Variants in MYOZ2 observed in about 807,000 individuals in gnomAD.
MYOZ2 encodes myozenin-2.
Under a neutral mutation model 25.4 loss-of-function variants are expected in MYOZ2, and 19 were observed. That is an observed-to-expected ratio of 0.75 (90% confidence interval 0.52 to 1.10). The LOEUF (loss-of-function observed/expected upper bound fraction) is 1.10, where lower values mean the gene tolerates loss of function less well. Among genes scored for constraint, MYOZ2 ranks in the 50% least tolerant of loss-of-function variants. The pLI is 0.00. For missense variants in MYOZ2, 270 were observed against 317.9 expected, an observed-to-expected ratio of 0.85 and a Z score of 1.15; for synonymous variants, 92 against 106.9, an observed-to-expected ratio of 0.86 and a Z score of 0.86.
intron 5 of MYOZ2, among the ~76,000 whole-genome samples, chr4:119,170,294 T>G (rs1337285437): frequency 6.6e-6 from 1 of 151,922 alleles, no homozygotes; most frequent in African/African-American, 2.4e-5. Context: ...TTTTTTTTTT[T>G]TGTGGCTGGC....
At chr4:119,138,063 GT>G (rs958795840) in intron 2 of MYOZ2, among the ~76,000 whole-genome samples, 4 of 151,898 alleles carry the variant, frequency 2.6e-5, no homozygotes, top group Admixed American at 6.6e-5. Context: ...AGGGTAAGAA[GT>G]TTTTTTTCCT....
rs534093694 is a variant in MYOZ2 at position 119,142,370 on chromosome 4, A to G, written c.76+5769A>G. Among the ~76,000 whole-genome samples, 18 of 152,340 alleles carry G rather than the reference A, an allele frequency of 1.2e-4. No individual in the cohort carries two copies. The South Asian group carries it at 3.7e-3, about 32-fold the overall frequency. On this transcript the variant is annotated intron_variant, in intron 2 of 5. Transcript: ENST00000307128. Reference sequence around the variant, plus strand: ...TTTGAATCCAGAATCAAAAAGTTGAAATATCGCATCCCCATCACATTGTCT... The same window carrying G: ...TTTGAATCCAGAATCAAAAAGTTGAGATATCGCATCCCCATCACATTGTCT...
intron 5 of MYOZ2, among the ~76,000 whole-genome samples, chr4:119,166,185 A>C (rs1160568546): frequency 1.3e-5 from 2 of 152,192 alleles, no homozygotes; most frequent in African/African-American, 2.4e-5. Context: ...TAGACTTCTT[A>C]TTATTAAATA....
Position 119,186,281 on chromosome 4 carries a change from G to C in MYOZ2, c.*81G>C, listed in dbSNP as rs564039408. On this transcript the variant is annotated 3_prime_UTR_variant, in exon 6 of 6. Transcript: ENST00000307128. ...ATTTTAACTACTGGCAAAGCCACTT[G>C]CATTTTTCATTAGTAGCAACAATAG... The C allele has an allele frequency of 7.4e-5, 84 of 1,132,458 alleles. No homozygotes were observed. In the East Asian group the frequency reaches 1.8e-3, roughly 24 times the overall value. The allele number at this position is 1,132,458 out of a possible 1,614,324, so 70.2% of individuals were successfully genotyped here. A position where few individuals can be genotyped will look rare whatever the true frequency, so the allele number is the denominator to read the frequency against.
chr4:119,157,621 T>C (rs1741610036), intron 3 of MYOZ2, among the ~76,000 whole-genome samples: 1 of 152,188 alleles, frequency 6.6e-6, no homozygotes, highest in African/African-American at 2.4e-5. Context: ...AAGATAAGAT[T>C]TACTAGGCCA....
At chr4:119,175,620 C>T (rs762255705) in intron 5 of MYOZ2, among the ~76,000 whole-genome samples, 28 of 151,850 alleles carry the variant, frequency 1.8e-4, no homozygotes, top group Middle Eastern at 3.4e-3. Context: ...GGTGTGGTGG[C>T]GGGCGTCTGT....
chr4:119,139,861 T>G (rs1741123688), intron 2 of MYOZ2, among the ~76,000 whole-genome samples: 1 of 152,146 alleles, frequency 6.6e-6, no homozygotes. Flanking sequence ...GGGCTTTTTT[T>G]GGTACGTTTT....
intron 2 of MYOZ2, among the ~76,000 whole-genome samples, chr4:119,148,744 T>TTTTTTTTTTTTTCTCTTC (rs1741370966): frequency 1.0e-5 from 1 of 96,158 alleles, no homozygotes; most frequent in African/African-American, 3.0e-5. Flanking sequence ...TTTTTTTTTT[T>TTTTTTTTTTTTTCTCTTC]TGCTGCTGCT....
chr4:119,138,991 T>G (rs2149218345), intron 2 of MYOZ2, among the ~76,000 whole-genome samples: 1 of 152,262 alleles, frequency 6.6e-6, no homozygotes, highest in East Asian at 1.9e-4. Flanking sequence ...AAAGAATTAT[T>G]AAAAAATTCT....
intron 5 of MYOZ2, among the ~76,000 whole-genome samples, chr4:119,180,623 A>G (rs551152717): frequency 1.3e-5 from 2 of 152,110 alleles, no homozygotes; most frequent in Non-Finnish European, 2.9e-5. Flanking sequence ...GTGCGATTTC[A>G]GCTCACTGCA....
At chr4:119,145,513 T>A (rs1741269927) in intron 2 of MYOZ2, among the ~76,000 whole-genome samples, 1 of 61,538 alleles carries the variant, frequency 1.6e-5, no homozygotes, top group Non-Finnish European at 3.1e-5. Flanking sequence ...AAACTGTGTG[T>A]GTGTGTGTGT....
At chr4:119,175,249 G>A (rs893290361) in intron 5 of MYOZ2, among the ~76,000 whole-genome samples, 1 of 152,084 alleles carries the variant, frequency 6.6e-6, no homozygotes, top group African/African-American at 2.4e-5. Context: ...ACAAAATAGA[G>A]CTGGATAAAA....
intron 2 of MYOZ2, among the ~76,000 whole-genome samples, chr4:119,147,698 C>T (rs529544738): frequency 1.4e-5 from 2 of 146,720 alleles, no homozygotes; most frequent in South Asian, 4.3e-4. Context: ...GAGCCAAGAT[C>T]GGGTCACTGC....
rs1741622591 is a variant in MYOZ2, at chr4:119,158,059, G to A, written c.284G>A (p.Ser95Asn). The A allele has an allele frequency of 6.2e-7, 1 of 1,614,014 alleles. No homozygotes were observed. Among genetic ancestry groups the A allele is most frequent in the Admixed American group, 1.7e-5 (1 of 60,000 alleles). The change falls in exon 4 of 6, where the codon AGT (serine) becomes AAT (asparagine). Residue 95 changes from serine to asparagine, a missense_variant. Ser to Asn is a conservative substitution (Grantham distance 46, BLOSUM62 1). Transcript: ENST00000307128. ...ATGCAGAATGGGAAAGTGGATGGAAGTAACTTGGAAGGTGGTTCGCAGCAA... is the reference window on the plus strand; with the variant it reads ...ATGCAGAATGGGAAAGTGGATGGAAATAACTTGGAAGGTGGTTCGCAGCAA... ...IAMQNGKVDGSNLEGGSQQAP... is the reference protein window; with the variant it reads ...IAMQNGKVDGNNLEGGSQQAP...
intron 5 of MYOZ2, among the ~76,000 whole-genome samples, chr4:119,165,516 T>A (rs1008924202): frequency 1.3e-5 from 2 of 151,800 alleles, no homozygotes; most frequent in African/African-American, 2.4e-5. Context: ...TCTCAAAAAA[T>A]AATAAATAAA....
In MYOZ2 at chr4:119,151,005, T is replaced by A; in HGVS notation, c.210T>A (p.Phe70Leu). 1 of 1,613,572 alleles carries A rather than the reference T, an allele frequency of 6.2e-7. No homozygotes were observed. Among genetic ancestry groups the A allele is most frequent in the Non-Finnish European group, 8.5e-7 (1 of 1,179,514 alleles). ...AAAGAAGATCTGACAAATACACATTTGAAAATTTCCAGTATCAATCTAGAG... is the reference window on the plus strand; with the variant it reads ...AAAGAAGATCTGACAAATACACATTAGAAAATTTCCAGTATCAATCTAGAG... Reference protein sequence around the residue: ...MRQRRSDKYTFENFQYQSRAQ... With the variant: ...MRQRRSDKYTLENFQYQSRAQ... Residue 70 changes from phenylalanine to leucine, a missense_variant, in exon 3 of 6, where the codon TTT becomes TTA. By Grantham distance (22) the Phe-to-Leu change is conservative (BLOSUM62 0). Transcript: ENST00000307128.
chr4:119,160,967 C>A (rs1432906339), intron 4 of MYOZ2, among the ~76,000 whole-genome samples: 1 of 151,740 alleles, frequency 6.6e-6, no homozygotes, highest in African/African-American at 2.4e-5. Flanking sequence ...TAACACCCTA[C>A]AGTGTTATAG....
intron 3 of MYOZ2, among the ~76,000 whole-genome samples, chr4:119,153,524 A>T (rs1377887007): frequency 1.3e-5 from 2 of 152,076 alleles, no homozygotes; most frequent in East Asian, 3.9e-4. Context: ...TTTATACCAC[A>T]TTAATCTGAT....
At chr4:119,139,007 T>C (rs1741100903) in intron 2 of MYOZ2, among the ~76,000 whole-genome samples, 1 of 152,184 alleles carries the variant, frequency 6.6e-6, no homozygotes, top group Admixed American at 6.6e-5. Context: ...ATTCTCTTCA[T>C]ATAGATTATA....
Sources: gnomAD v4.1 joint callset for allele counts (sites outside exome capture counted in the v4.1 genomes callset) on GRCh38, gnomAD v4.1.1 for gene constraint, MANE v1.5 for transcripts, NCBI Gene and HGNC (gene_info 2026-07-23, HGNC 2026-07-21) for gene names.